The following GOLGA8S variants were observed in gnomAD, a reference collection of about 807,000 sequenced individuals.
The protein encoded by GOLGA8S is golgin subfamily A member 8S.
A neutral mutation model predicts 58.9 loss-of-function variants in GOLGA8S; 23 were observed. The ratio of observed to expected loss-of-function variants is 0.39; its 90% confidence interval spans 0.28 to 0.55. GOLGA8S has a LOEUF of 0.55. Among genes scored for constraint, GOLGA8S ranks in the 20% least tolerant of loss-of-function variants. The pLI, the probability that GOLGA8S is intolerant of heterozygous loss-of-function variation, is 0.63. For synonymous variants in GOLGA8S, 84 were observed against 195.7 expected, an observed-to-expected ratio of 0.43 and a Z score of 4.76; for missense variants, 266 against 514.2, an observed-to-expected ratio of 0.52 and a Z score of 4.67.
At chr15:23,365,883 C>T (rs1156356762), downstream of GOLGA8S, 1 of 152,976 alleles carries the variant, frequency 6.5e-6, no homozygotes, top group African/African-American at 2.4e-5. Context: ...TTTGTATGTG[C>T]TCTGGGCTCA....
intron 1 of GOLGA8S, among the ~76,000 whole-genome samples, chr15:23,356,217 T>G (rs2069686851): frequency 6.9e-6 from 1 of 145,290 alleles, no homozygotes; most frequent in Non-Finnish European, 1.6e-5. Context: ...GGTGCACTTC[T>G]TCACACTAAC....
intron 4 of GOLGA8S, among the ~76,000 whole-genome samples, chr15:23,358,207 A>G (rs1380858653): frequency 6.6e-6 from 1 of 152,296 alleles, no homozygotes; most frequent in African/African-American, 2.4e-5. Context: ...GCCTTTCTCA[A>G]ACTCCATCTC....
rs1388129247 is a variant in GOLGA8S, at chr15:23,363,616, C to T, written c.1256-62C>T. On this transcript the variant is annotated intron_variant, in intron 14 of 18. Coordinates refer to ENST00000562295, the Ensembl canonical transcript of GOLGA8S. ...CAATGAGGGTGGAGGTAGAGGTGGG[C>T]CCACAATACTTCCCTTGTTGAGTTG... 2.1e-5 allele frequency: 7 copies of T among 334,970 alleles called. 1 individual carries two copies. Among genetic ancestry groups the T allele is most frequent in the African/African-American group, 3.0e-5 (1 of 33,122 alleles). 20.7% of individuals were successfully genotyped at this position (334,970 alleles called of 1,614,324 possible).
chr15:23,354,869 T>C, exon 1 of GOLGA8S: 1 of 281,622 alleles, frequency 3.6e-6, no homozygotes, highest in Admixed American at 5.1e-5. Context: ...CTCGACAAAG[T>C]AAATTGGCAG....
downstream of GOLGA8S, among the ~76,000 whole-genome samples, chr15:23,367,782 T>A (rs1399755458): frequency 1.3e-5 from 2 of 151,894 alleles, no homozygotes; most frequent in Non-Finnish European, 2.9e-5. Flanking sequence ...AACATAGAAT[T>A]TTAAAATGTG....
chr15:23,364,400 C>G lies in GOLGA8S; in HGVS notation c.1405C>G (p.Gln469Glu), dbSNP rs190023905. Residue 469 changes from glutamine to glutamate, a missense_variant, in exon 16 of 19, where the codon CAA becomes GAA. Around this residue, in one of 6 missense-constraint regions of GOLGA8S, gnomAD observed 88 missense variants for 77.7 expected, o/e 1.13. Coordinates refer to ENST00000562295, the Ensembl canonical transcript of GOLGA8S. ...AGACCTGAGTGAGCTGGTGAAGAAA[C>G]AAGAACTTCGCTTCATTCAATACTG... 5.1e-3 allele frequency: 8,230 copies of G among 1,603,462 alleles called. 203 individuals carry two copies. In the Admixed American group the frequency reaches 0.096, roughly 19 times the overall value.
chr15:23,366,248 C>T (rs2069920423), downstream of GOLGA8S: 1 of 151,408 alleles, frequency 6.6e-6, no homozygotes, highest in Admixed American at 6.6e-5. Flanking sequence ...TGGCATTCCT[C>T]TCTGTTCACG....
At position 23,360,708 on chromosome 15, in the gene GOLGA8S, T is replaced by TC; in HGVS notation, c.787-15dup. ...TCCAGCCCCTCTCTCCAGGGCCCTT[T>TC]CCCCCTGTGCTTTGGGCAGGTTTGC... is the stretch of plus-strand genomic sequence containing the variant. On this transcript the variant is annotated intron_variant, in intron 10 of 18. Coordinates refer to ENST00000562295, the Ensembl canonical transcript of GOLGA8S. The TC allele has an allele frequency of 1.9e-6, 2 of 1,070,916 alleles. No homozygotes were observed. Among genetic ancestry groups the TC allele is most frequent in the Non-Finnish European group, 2.9e-6 (2 of 688,080 alleles). The allele number at this position is 1,070,916 out of a possible 1,614,324, so 66.3% of individuals were successfully genotyped here. A position where few individuals can be genotyped will look rare whatever the true frequency, so the allele number is the denominator to read the frequency against.
intron 4 of GOLGA8S, among the ~76,000 whole-genome samples, chr15:23,357,930 G>C (rs1255107777): frequency 1.3e-5 from 2 of 149,962 alleles, no homozygotes; most frequent in Non-Finnish European, 3.0e-5. Flanking sequence ...CCATGACTCA[G>C]TCCCTAATTT....
At position 23,361,264 on chromosome 15, in the gene GOLGA8S, G is replaced by A. The variant is rs574825720; in HGVS notation, c.918G>A (p.Ala306=). The change falls in exon 12 of 19, where the codon GCG becomes GCA. Residue 306 remains alanine, a synonymous_variant. Transcript: ENST00000562295. ...AGCCCCCAGCAGTGCCCTCTGAGGC[G>A]GAGCTGCAGCACCTGAGGAAGGAAC... 4.1e-3 allele frequency: 6,075 copies of A among 1,495,316 alleles called. 225 individuals are homozygous for A. The highest frequency in any genetic ancestry group is 5.2e-3 in the Non-Finnish European group (5,621 of 1,084,744). 92.6% of individuals were successfully genotyped at this position (1,495,316 alleles called of 1,614,324 possible).
intron 13 of GOLGA8S, among the ~76,000 whole-genome samples, chr15:23,362,626 C>A (rs1012460214): frequency 5.7e-5 from 8 of 139,772 alleles, no homozygotes; most frequent in Non-Finnish European, 1.1e-4. Flanking sequence ...CTGTGGCCTA[C>A]AGTTGAAATG....
downstream of GOLGA8S, chr15:23,365,442 T>C (rs1369639949): frequency 6.0e-6 from 3 of 498,734 alleles, no homozygotes; most frequent in Non-Finnish European, 1.1e-5. Context: ...AAAGACCCAC[T>C]CTTTGCCCAA....
Position 23,365,068 on chromosome 15 carries a change from AG to A in GOLGA8S, c.1814del (p.Gly605AlafsTer?). ...TCGTGCAGGACCACCAGGAGCACCC[AG>A]GCTTGGGCAACAACTGCTGTGTGCC... On this transcript the variant is annotated frameshift_variant, in exon 19 of 19. Coordinates refer to ENST00000562295, the Ensembl canonical transcript of GOLGA8S. LOFTEE classifies it high-confidence loss of function. 1 of 1,580,728 alleles carries A rather than the reference AG, an allele frequency of 6.3e-7. No individual in the cohort carries two copies. The highest frequency in any genetic ancestry group is 8.6e-7 in the Non-Finnish European group (1 of 1,165,542).
At chr15:23,359,513 G>T (rs2069748477) in intron 8 of GOLGA8S, among the ~76,000 whole-genome samples, 1 of 143,294 alleles carries the variant, frequency 7.0e-6, no homozygotes, top group South Asian at 2.3e-4. Context: ...TACTGTGAAG[G>T]TACAGAAGAG....
At position 23,364,621 on chromosome 15, in the gene GOLGA8S, A is replaced by C. The variant is rs1158985911; in HGVS notation, c.1544A>C (p.Glu515Ala). 3.6e-6 allele frequency: 5 copies of C among 1,371,698 alleles called. No individual in the cohort carries two copies. The South Asian group carries it at 5.9e-5, about 16-fold the overall frequency. The allele number at this position is 1,371,698 out of a possible 1,614,324, so 85.0% of individuals were successfully genotyped here. A position where few individuals can be genotyped will look rare whatever the true frequency, so the allele number is the denominator to read the frequency against. ...CAGGCTGGAGCTCAGGGAGGAGATG[A>C]AGGTAGGGTGTGCAACATCTCTGTG... Residue 515 changes from glutamate to alanine, a missense_variant and splice_region_variant, in exon 17 of 19, where the codon GAA becomes GCA. By Grantham distance (107) the Glu-to-Ala change is moderately radical. Coordinates refer to ENST00000562295, the Ensembl canonical transcript of GOLGA8S.
At chr15:23,357,850 A>G (rs1436475760) in intron 4 of GOLGA8S, among the ~76,000 whole-genome samples, 1 of 149,932 alleles carries the variant, frequency 6.7e-6, no homozygotes, top group Non-Finnish European at 1.5e-5. Flanking sequence ...TCCTTGCTAC[A>G]CACGCCCTGG....
At chr15:23,359,311 G>A in intron 8 of GOLGA8S, 102 bp downstream of exon 8, 1 of 663,392 alleles carries the variant, frequency 1.5e-6, no homozygotes. Context: ...TGCCCAGAAG[G>A]CAGCATGGCC....
At chr15:23,366,500 A>C (rs1186762265), downstream of GOLGA8S, 3 of 152,014 alleles carry the variant, frequency 2.0e-5, no homozygotes, top group East Asian at 1.9e-4. Flanking sequence ...GAAGTTTATG[A>C]AACTTAAAAT....
chr15:23,368,360 G>C (rs1295537197), downstream of GOLGA8S, among the ~76,000 whole-genome samples: 1 of 151,866 alleles, frequency 6.6e-6, no homozygotes, highest in East Asian at 1.9e-4. Context: ...TGTGTTTCTT[G>C]AAAACTATAG....
Sources: allele counts gnomAD v4.1 joint callset (sites outside exome capture counted in the v4.1 genomes callset), GRCh38; gene constraint gnomAD v4.1.1; regional missense constraint gnomAD v4.1.1; transcripts MANE v1.5; gene names NCBI Gene and HGNC (gene_info 2026-07-23, HGNC 2026-07-21).